Variants in FAM227B observed in about 807,000 individuals in gnomAD.
The protein encoded by FAM227B is family with sequence similarity 227 member B, also known as protein FAM227B.
A neutral mutation model predicts 73.8 loss-of-function variants in FAM227B; 88 were observed. The ratio of observed to expected loss-of-function variants is 1.19; its 90% CI spans 1.00 to 1.42. The LOEUF (loss-of-function observed/expected upper bound fraction) is 1.42. Ranked by LOEUF, FAM227B falls within the 40% of genes most tolerant of loss-of-function variation. The pLI, the probability that FAM227B is intolerant of heterozygous loss-of-function variation, is 0.00. For synonymous variants in FAM227B, 210 were observed against 190.5 expected (o/e 1.10, Z -0.84); for missense variants, 632 against 590.9 (o/e 1.07, Z -0.72).
intron 11 of FAM227B, among the ~76,000 whole-genome samples, chr15:49,446,176 A>G (rs1441590711): frequency 6.6e-6 from 1 of 151,626 alleles, no homozygotes; most frequent in Non-Finnish European, 1.5e-5. Context: ...GGCTTCACTC[A>G]CTGATAAATA....
At chr15:49,581,156 T>C (rs771046157) in intron 5 of FAM227B, among the ~76,000 whole-genome samples, 1 of 151,926 alleles carries the variant, frequency 6.6e-6, no homozygotes, top group Admixed American at 6.6e-5. Flanking sequence ...AAGATGACCA[T>C]CCACAAGACA....
chr15:49,476,039 G>A (rs2055231768), intron 11 of FAM227B, among the ~76,000 whole-genome samples: 1 of 152,050 alleles, frequency 6.6e-6, no homozygotes, highest in South Asian at 2.1e-4. Context: ...TTGAATCTTT[G>A]CTTCCATGGC....
intron 13 of FAM227B, among the ~76,000 whole-genome samples, chr15:49,345,911 G>A (rs2041409529): frequency 6.6e-6 from 1 of 152,168 alleles, no homozygotes; most frequent in African/African-American, 2.4e-5. Flanking sequence ...GATTGAGTGT[G>A]TGTGAGAGAC....
chr15:49,489,883 T>G (rs57670220), intron 11 of FAM227B, among the ~76,000 whole-genome samples: 10,705 of 22,738 alleles, frequency 0.47, 2,391 homozygotes, highest in African/African-American at 0.48. Flanking sequence ...TATATATATA[T>G]AGAGAGAGAG....
chr15:49,471,948 A>G (rs2054814558), intron 11 of FAM227B, among the ~76,000 whole-genome samples: 1 of 152,112 alleles, frequency 6.6e-6, no homozygotes, highest in East Asian at 1.9e-4. Flanking sequence ...TCTGGATAAG[A>G]AAGTGAAAGA....
intron 11 of FAM227B, among the ~76,000 whole-genome samples, chr15:49,401,210 C>G (rs1409029039): frequency 1.3e-5 from 2 of 152,232 alleles, no homozygotes; most frequent in African/African-American, 4.8e-5. Flanking sequence ...AGACACTTCT[C>G]AAAAGAAGAC....
chr15:49,451,458 T>A (rs2052733924), intron 11 of FAM227B, among the ~76,000 whole-genome samples: 1 of 152,108 alleles, frequency 6.6e-6, no homozygotes, highest in African/African-American at 2.4e-5. Flanking sequence ...TATGTATATA[T>A]GTTTGCTTAA....
chr15:49,512,264 T>C (rs956224202), intron 10 of FAM227B, among the ~76,000 whole-genome samples: 4 of 152,154 alleles, frequency 2.6e-5, no homozygotes, highest in Non-Finnish European at 5.9e-5. Context: ...TGGCTGAATA[T>C]AAAAAGAATT....
At chr15:49,577,782 TACA>T (rs1255528619) in intron 5 of FAM227B, 118 bp from the exon 6 acceptor site, 12 of 537,362 alleles carry the variant, frequency 2.2e-5, no homozygotes, top group Non-Finnish European at 3.3e-6. Context: ...ATATATATCC[TACA>T]GAGGCCTAAA....
At chr15:49,457,687 T>C (rs1370860692) in intron 11 of FAM227B, among the ~76,000 whole-genome samples, 1 of 151,840 alleles carries the variant, frequency 6.6e-6, no homozygotes, top group Non-Finnish European at 1.5e-5. Context: ...CCAGTGACAA[T>C]AGATTTCCAA....
intron 3 of FAM227B, among the ~76,000 whole-genome samples, chr15:49,610,417 A>C (rs867547902): frequency 4.4e-5 from 5 of 112,708 alleles, no homozygotes; most frequent in Non-Finnish European, 7.2e-5. Flanking sequence ...AAAACATTGA[A>C]AGTAAAAAAA....
In FAM227B at chr15:49,416,979, C is replaced by T. The variant is rs186630728; in HGVS notation, c.1013-45580G>A. On this transcript the variant is annotated intron_variant, in intron 11 of 15. Coordinates refer to ENST00000299338, the MANE Select transcript of FAM227B (RefSeq NM_152647.3). Reference sequence around the variant, plus strand: ...GCCACACTGCCTAAAGCAATTTATACATTCAATGCTATTCCTATCAAACTA... The same window carrying T: ...GCCACACTGCCTAAAGCAATTTATATATTCAATGCTATTCCTATCAAACTA... Among the ~76,000 whole-genome samples, 19 of 152,298 alleles carry T rather than the reference C, an allele frequency of 1.2e-4. No homozygotes were observed. The East Asian group carries it at 3.7e-3, about 29-fold the overall frequency.
intron 13 of FAM227B, among the ~76,000 whole-genome samples, chr15:49,348,027 A>C (rs1392559029): frequency 9.2e-5 from 14 of 151,668 alleles, no homozygotes; most frequent in Non-Finnish European, 1.5e-4. Context: ...CTCAAAAAAA[A>C]AAAAAAAAAA....
At chr15:49,502,314 G>A (rs1293445608) in intron 11 of FAM227B, among the ~76,000 whole-genome samples, 1 of 152,200 alleles carries the variant, frequency 6.6e-6, no homozygotes, top group South Asian at 2.1e-4. Context: ...TCAATAACCT[G>A]TGAGAGCAGC....
At chr15:49,330,356 C>T (rs1014421860) in intron 15 of FAM227B, 1 of 152,182 alleles carries the variant, frequency 6.6e-6, no homozygotes, top group African/African-American at 2.4e-5. Flanking sequence ...CACATCTGGT[C>T]TGCAGATGTA....
chr15:49,530,890 G>T (rs2060556812), intron 10 of FAM227B, among the ~76,000 whole-genome samples: 1 of 151,362 alleles, frequency 6.6e-6, no homozygotes, highest in Non-Finnish European at 1.5e-5. Flanking sequence ...CCCTACAGAA[G>T]CACAAGTGTA....
At position 49,498,894 on chromosome 15, in the gene FAM227B, C is replaced by T. The variant is rs367893655; in HGVS notation, c.1012+9317G>A. On this transcript the variant is annotated intron_variant, in intron 11 of 15. Coordinates refer to ENST00000299338, the MANE Select transcript of FAM227B (RefSeq NM_152647.3). Reference sequence around the variant, plus strand: ...AAAGAAGGGCATTACAGGCCGGGCGCGGTGGCTCACGCCTGTAATCCCAGC... The same window carrying T: ...AAAGAAGGGCATTACAGGCCGGGCGTGGTGGCTCACGCCTGTAATCCCAGC... Among the ~76,000 whole-genome samples the T allele has an allele frequency of 2.0e-3, 307 of 151,936 alleles. 1 individual carries two copies. The highest frequency in any genetic ancestry group is 7.1e-3 in the African/African-American group (294 of 41,442).
intron 10 of FAM227B, among the ~76,000 whole-genome samples, chr15:49,537,782 A>C (rs2070484919): frequency 6.6e-6 from 1 of 152,224 alleles, no homozygotes. Flanking sequence ...TAGAACCTGG[A>C]AGGAATAATC....
intron 11 of FAM227B, among the ~76,000 whole-genome samples, chr15:49,422,143 A>AGAG (rs1567244568): frequency 7.2e-6 from 1 of 139,452 alleles, no homozygotes. Context: ...AGAGAGAGAG[A>AGAG]GAGTGTGTGT....
Sources: allele counts gnomAD v4.1 joint callset (sites outside exome capture counted in the v4.1 genomes callset), GRCh38; gene constraint gnomAD v4.1.1; transcripts MANE v1.5; gene names NCBI Gene and HGNC (gene_info 2026-07-23, HGNC 2026-07-21).